Variants in STMND1 observed in about 807,000 individuals in gnomAD.
STMND1 encodes stathmin domain containing 1.
A neutral mutation model predicts 23.0 loss-of-function variants in STMND1; 17 were observed. That is an observed-to-expected ratio of 0.74 (90% CI 0.51 to 1.11). STMND1 has a LOEUF of 1.11. Among genes scored for constraint, STMND1 ranks in the 50% least tolerant of loss-of-function variants. The pLI, the probability that STMND1 is intolerant of heterozygous loss-of-function variation, is 0.00. For missense variants in STMND1, 305 were observed against 329.1 expected (o/e 0.93, Z 0.57); for synonymous variants, 114 against 119.9 (o/e 0.95, Z 0.32).
At chr6:17,128,583 T>C (rs1761338582) in intron 3 of STMND1, 1 of 152,314 alleles carries the variant, frequency 6.6e-6, no homozygotes, top group South Asian at 2.1e-4. Context: ...TAGGGCCTTT[T>C]TGTAATAGCC....
chr6:17,104,352 T>A (rs1474051606), intron 1 of STMND1, among the ~76,000 whole-genome samples: 1 of 152,238 alleles, frequency 6.6e-6, no homozygotes, highest in Non-Finnish European at 1.5e-5. Context: ...CTGGCCTGAT[T>A]ACATATAAGA....
chr6:17,118,159 A>T (rs1402413627), intron 2 of STMND1, among the ~76,000 whole-genome samples: 1 of 152,180 alleles, frequency 6.6e-6, no homozygotes, highest in Non-Finnish European at 1.5e-5. Context: ...ACAGTTAGAA[A>T]GTCTTTCCCT....
At chr6:17,114,076 T>A (rs1761127803) in intron 1 of STMND1, among the ~76,000 whole-genome samples, 1 of 152,192 alleles carries the variant, frequency 6.6e-6, no homozygotes, top group African/African-American at 2.4e-5. Context: ...GGTTTCAGGA[T>A]GACTCTACAG....
intron 3 of STMND1, among the ~76,000 whole-genome samples, chr6:17,126,054 ATATATATATATATATATTTTTTTT>A (rs1181742259): frequency 8.3e-5 from 2 of 24,102 alleles, no homozygotes; most frequent in African/African-American, 1.9e-4. Context: ...ATATATATAT[ATATATATATATATATATTTTTTTT>A]TTTTTTTTTT....
At chr6:17,105,782 G>A (rs1217468078) in intron 1 of STMND1, among the ~76,000 whole-genome samples, 1 of 152,006 alleles carries the variant, frequency 6.6e-6, no homozygotes, top group Non-Finnish European at 1.5e-5. Flanking sequence ...AAAATTAGCC[G>A]GGCGTGATGG....
rs1368717162 is a variant in STMND1 at position 17,108,303 on chromosome 6, A to G, written c.81+5965A>G. On this transcript the variant is annotated intron_variant, in intron 1 of 4. Transcript: ENST00000536551. ...TAATGTACAGAAAGTCTTTGTGAAA[A>G]GCCATCGTTTAGACTGAAAATATTC... is the stretch of plus-strand genomic sequence containing the variant. Among the ~76,000 whole-genome samples, 3 of 151,968 alleles carry G rather than the reference A, an allele frequency of 2.0e-5. 1 individual carries two copies. The highest frequency in any genetic ancestry group is 4.4e-5 in the Non-Finnish European group (3 of 68,012).
rs891880435 is a variant in STMND1 at position 17,120,654 on chromosome 6, C to T, written c.307C>T (p.Arg103Ter). 13 of 1,534,866 alleles carry T rather than the reference C, an allele frequency of 8.5e-6. No individual in the cohort carries two copies. Among genetic ancestry groups the T allele is most frequent in the East Asian group, 4.9e-5 (2 of 40,892 alleles). ...LINKPQSLES[R>*]ERQKSSDILE... ...CAATAAACCCCAATCCCTAGAGAGT[C>T]GAGAGCGACAGAAGTCATCAGATAT... The change falls in exon 3 of 5, where the codon CGA becomes TGA. Residue 103 changes from arginine to a stop codon, truncating the protein, a stop_gained. Coordinates refer to ENST00000536551, the MANE Select transcript of STMND1 (RefSeq NM_001190766.2). LOFTEE classifies it high-confidence loss of function.
At chr6:17,126,064 ATATATATTTTTTTTTTTT>A (rs1390770401) in intron 3 of STMND1, among the ~76,000 whole-genome samples, 2 of 23,712 alleles carry the variant, frequency 8.4e-5, no homozygotes, top group Non-Finnish European at 1.4e-4. Context: ...ATATATATAT[ATATATATTTTTTTTTTTT>A]TTTTTTTTTT....
At position 17,130,825 on chromosome 6, in the gene STMND1, T is replaced by G. The variant is rs766063231; in HGVS notation, c.775T>G (p.Phe259Val). 7.2e-6 allele frequency: 11 copies of G among 1,535,854 alleles called. No homozygotes were observed. The South Asian group carries it at 1.1e-4, about 15-fold the overall frequency. ...TGATAGAAACGAAAGTGATGAAAGT[T>G]TTGGGGTCGTGGAGTCAGACATGTC... ...LIDRNESDES[F>V]GVVESDMSYN... Residue 259 changes from phenylalanine (F) to valine (V), a missense_variant, in exon 5 of 5, where the codon TTT becomes GTT. Transcript: ENST00000536551.
chr6:17,102,173 G>C lies in STMND1; in HGVS notation c.-85G>C. 1 of 1,352,694 alleles carries C rather than the reference G, an allele frequency of 7.4e-7. No individual in the cohort carries two copies. Among genetic ancestry groups the C allele is most frequent in the Non-Finnish European group, 9.6e-7 (1 of 1,044,396 alleles). 83.8% of individuals were successfully genotyped at this position (1,352,694 alleles called of 1,614,324 possible). A position where few individuals can be genotyped will look rare whatever the true frequency, so the allele number is the denominator to read the frequency against. On this transcript the variant is annotated 5_prime_UTR_variant, in exon 1 of 5. Transcript: ENST00000536551. ...TAGGGCGCAGGGCGCAGGAGCGCGG[G>C]ACCACCGGCGCCGGAGCGCGGCAGG... is the stretch of plus-strand genomic sequence containing the variant.
rs528196249 is a variant in STMND1 at position 17,122,862 on chromosome 6, G to T, written c.411+2104G>T. Among the ~76,000 whole-genome samples the T allele has an allele frequency of 3.9e-5, 6 of 152,240 alleles. No individual in the cohort carries two copies. The East Asian group carries it at 1.2e-3, about 29-fold the overall frequency. Reference sequence around the variant, plus strand: ...GGAGTGCCTTATCTTATTTGAAAGTGCTAGAAGAAGGGATGGGTTTTTAAT... The same window carrying T: ...GGAGTGCCTTATCTTATTTGAAAGTTCTAGAAGAAGGGATGGGTTTTTAAT... On this transcript the variant is annotated intron_variant, in intron 3 of 4. Transcript: ENST00000536551.
chr6:17,127,743 C>T (rs558059053), intron 3 of STMND1, among the ~76,000 whole-genome samples: 3 of 152,134 alleles, frequency 2.0e-5, no homozygotes, highest in South Asian at 2.1e-4. Context: ...ATTAATAGCT[C>T]CTTTGTCTTT....
chr6:17,110,649 C>G (rs1000025158), intron 1 of STMND1: 1 of 346,934 alleles, frequency 2.9e-6, no homozygotes, highest in Non-Finnish European at 5.7e-6. Context: ...GCTCCTGTAA[C>G]CTCAGCTACT....
At chr6:17,121,131 A>C (rs1406604043) in intron 3 of STMND1, among the ~76,000 whole-genome samples, 1 of 152,036 alleles carries the variant, frequency 6.6e-6, no homozygotes, top group Non-Finnish European at 1.5e-5. Flanking sequence ...CTCTCCTACC[A>C]CCTTGTGAAG....
At chr6:17,114,821 G>A in intron 1 of STMND1, 141 bp from the exon 2 acceptor site, 1 of 875,642 alleles carries the variant, frequency 1.1e-6, no homozygotes, top group Non-Finnish European at 1.6e-6. Flanking sequence ...AGGGGGTTGG[G>A]GACCCCGATC....
At chr6:17,118,479 C>A (rs927853203) in intron 2 of STMND1, among the ~76,000 whole-genome samples, 1 of 151,208 alleles carries the variant, frequency 6.6e-6, no homozygotes, top group Admixed American at 6.6e-5. Flanking sequence ...GGTTTTTAAA[C>A]AATCCCCAAT....
intron 1 of STMND1, among the ~76,000 whole-genome samples, chr6:17,107,480 G>A (rs780460796): frequency 2.3e-4 from 35 of 151,998 alleles, no homozygotes; most frequent in Non-Finnish European, 3.8e-4. Context: ...CACTGAATCC[G>A]TACCCCCGAG....
At chr6:17,114,458 G>T (rs1224653406) in intron 1 of STMND1, among the ~76,000 whole-genome samples, 2 of 152,042 alleles carry the variant, frequency 1.3e-5, no homozygotes, top group Non-Finnish European at 2.9e-5. Flanking sequence ...TAGAGATGGG[G>T]TTTCACCATG....
intron 1 of STMND1, among the ~76,000 whole-genome samples, chr6:17,105,505 C>T (rs964158948): frequency 3.3e-5 from 5 of 152,030 alleles, no homozygotes; most frequent in African/African-American, 4.8e-5. Flanking sequence ...ATTAGCCGGG[C>T]GTGATGGCAC....
Sources: gnomAD v4.1 joint callset for allele counts (sites outside exome capture counted in the v4.1 genomes callset) on GRCh38, gnomAD v4.1.1 for gene constraint, MANE v1.5 for transcripts, NCBI Gene and HGNC (gene_info 2026-07-23, HGNC 2026-07-21) for gene names.